ICA1L: variants seen among roughly 807,000 people sequenced by gnomAD.
ICA1L encodes the protein islet cell autoantigen 1 like.
ICA1L carries 50 observed loss-of-function variants against 61.3 expected under a neutral mutation model. That is an observed-to-expected ratio of 0.82 (90% CI 0.65 to 1.03). The LOEUF is 1.03. ICA1L is among the 50% of genes least tolerant of loss of function. ICA1L has a pLI of 0.00. For synonymous variants in ICA1L, 161 were observed against 191.3 expected (o/e 0.84, Z 1.31); for missense variants, 508 against 556.7 (o/e 0.91, Z 0.88).
At chr2:202,871,537 C>T (rs1422316755) in intron 1 of ICA1L, 82 bp downstream of exon 1, 1 of 152,188 alleles carries the variant, frequency 6.6e-6, no homozygotes, top group African/African-American at 2.4e-5. Context: ...CCGGCGTCGC[C>T]ATGGGAACCC....
intron 1 of ICA1L, chr2:202,840,493 G>A (rs922040527): frequency 3.4e-5 from 18 of 522,972 alleles, no homozygotes; most frequent in African/African-American, 3.3e-4. Context: ...TGGGGCTTGT[G>A]AGACCCTCAT....
At chr2:202,861,883 C>CAAAAAA (rs71030996) in intron 1 of ICA1L, among the ~76,000 whole-genome samples, 5 of 40,900 alleles carry the variant, frequency 1.2e-4, no homozygotes, top group Admixed American at 6.9e-4. Flanking sequence ...GATTCAGACT[C>CAAAAAA]AAAAAAAAAA....
Position 202,786,490 on chromosome 2 carries a change from A to C in ICA1L, c.1244-483T>G, listed in dbSNP as rs577166634. 2.3e-3 allele frequency among the ~76,000 whole-genome samples: 343 copies of C among 152,222 alleles called. 6 individuals carry two copies. The highest frequency in any genetic ancestry group is 0.021 in the Admixed American group (317 of 15,288). On this transcript the variant is annotated intron_variant, in intron 11 of 12. Coordinates refer to ENST00000358299, the MANE Select transcript of ICA1L (RefSeq NM_001288622.3). Reference sequence around the variant, plus strand: ...CGTGAACCCGGGAAGCGGAGCTTGCAGTGAGCCGAGATTGCGCCACTGCAG... The same window carrying C: ...CGTGAACCCGGGAAGCGGAGCTTGCCGTGAGCCGAGATTGCGCCACTGCAG...
At chr2:202,791,906 G>A (rs1304232052) in intron 10 of ICA1L, among the ~76,000 whole-genome samples, 4 of 150,660 alleles carry the variant, frequency 2.7e-5, no homozygotes, top group Admixed American at 2.6e-4. Flanking sequence ...GGTGGCTCAT[G>A]TCTGTAATCC....
intron 12 of ICA1L, among the ~76,000 whole-genome samples, chr2:202,780,839 C>A (rs1692379578): frequency 6.6e-6 from 1 of 152,174 alleles, no homozygotes; most frequent in Non-Finnish European, 1.5e-5. Flanking sequence ...GTAACACCTA[C>A]TAATGAGTAA....
chr2:202,785,851 T>C (rs374266075), intron 12 of ICA1L, 67 bp downstream of exon 12: 3 of 899,966 alleles, frequency 3.3e-6, no homozygotes, highest in African/African-American at 1.7e-5. Flanking sequence ...GTGATCCTTT[T>C]CTAAATTTAT....
intron 6 of ICA1L, among the ~76,000 whole-genome samples, chr2:202,816,946 T>G (rs1693555759): frequency 1.3e-5 from 2 of 152,192 alleles, no homozygotes; most frequent in Non-Finnish European, 2.9e-5. Context: ...AACATATAAC[T>G]TAGAAATAGA....
chr2:202,835,018 T>G lies in ICA1L; in HGVS notation c.-7-6002A>C, dbSNP rs1694108013. ...GGCTAATTTATTTTTATTTTTGTAGTGACAATGTCCCACTATGTTGCCCAG... is the reference window on the plus strand; with the variant it reads ...GGCTAATTTATTTTTATTTTTGTAGGGACAATGTCCCACTATGTTGCCCAG... On this transcript the variant is annotated intron_variant, in intron 1 of 12. Transcript: ENST00000358299. 2.0e-5 allele frequency among the ~76,000 whole-genome samples: 3 copies of G among 152,042 alleles called. 1 individual carries two copies. Among genetic ancestry groups the G allele is most frequent in the African/African-American group, 7.2e-5 (3 of 41,496 alleles).
chr2:202,783,059 C>CCA, intron 12 of ICA1L, among the ~76,000 whole-genome samples: 1 of 152,186 alleles, frequency 6.6e-6, no homozygotes, highest in Non-Finnish European at 1.5e-5. Context: ...TTCCAGGAGT[C>CCA]CACACTGATA....
chr2:202,800,331 G>A (rs1431681038), intron 9 of ICA1L, among the ~76,000 whole-genome samples: 5 of 152,112 alleles, frequency 3.3e-5, no homozygotes, highest in African/African-American at 7.2e-5. Context: ...GATCAAAACA[G>A]CGCTGTCTTG....
At chr2:202,786,825 T>A in intron 11 of ICA1L, 1 of 433,260 alleles carries the variant, frequency 2.3e-6, no homozygotes. Flanking sequence ...AGGTAGATTA[T>A]GTTGTATAAA....
chr2:202,853,015 C>T (rs1694672584), intron 1 of ICA1L, among the ~76,000 whole-genome samples: 1 of 151,854 alleles, frequency 6.6e-6, no homozygotes, highest in African/African-American at 2.4e-5. Flanking sequence ...AAAGCTGAAA[C>T]CAGAACCCTT....
intron 7 of ICA1L, among the ~76,000 whole-genome samples, chr2:202,815,197 A>G (rs984714010): frequency 6.6e-6 from 1 of 152,234 alleles, no homozygotes; most frequent in South Asian, 2.1e-4. Context: ...TTATATTAAA[A>G]GTAAAAACAA....
intron 12 of ICA1L, among the ~76,000 whole-genome samples, chr2:202,782,344 C>CA (rs900758349): frequency 3.2e-4 from 48 of 150,986 alleles, no homozygotes; most frequent in African/African-American, 9.7e-4. Context: ...AACTCTGTCT[C>CA]AAAAAAACAA....
intron 9 of ICA1L, among the ~76,000 whole-genome samples, chr2:202,807,290 A>G (rs1221002583): frequency 6.6e-6 from 1 of 152,180 alleles, no homozygotes; most frequent in Non-Finnish European, 1.5e-5. Flanking sequence ...TGGTGTGGAG[A>G]GAGAATCTGT....
At chr2:202,801,771 C>G (rs1693091550) in intron 9 of ICA1L, among the ~76,000 whole-genome samples, 1 of 152,142 alleles carries the variant, frequency 6.6e-6, no homozygotes, top group Non-Finnish European at 1.5e-5. Context: ...AGACAAGGCC[C>G]TTGGCAAACG....
chr2:202,790,412 A>G (rs1574327964), intron 10 of ICA1L, among the ~76,000 whole-genome samples: 1 of 152,322 alleles, frequency 6.6e-6, no homozygotes, highest in East Asian at 1.9e-4. Context: ...ATAATTTAGG[A>G]AAAACAGCAA....
intron 8 of ICA1L, among the ~76,000 whole-genome samples, chr2:202,812,904 T>C (rs1486494395): frequency 6.6e-6 from 1 of 152,176 alleles, no homozygotes; most frequent in Non-Finnish European, 1.5e-5. Context: ...AAAACTCTTA[T>C]GAAATGTGAG....
At chr2:202,865,683 A>G (rs892463425) in intron 1 of ICA1L, among the ~76,000 whole-genome samples, 4 of 152,238 alleles carry the variant, frequency 2.6e-5, no homozygotes, top group African/African-American at 9.6e-5. Context: ...TTAAAAATCT[A>G]CTAGATCTAA....
Sources: allele counts gnomAD v4.1 joint callset (sites outside exome capture counted in the v4.1 genomes callset), GRCh38; gene constraint gnomAD v4.1.1; transcripts MANE v1.5; gene names NCBI Gene and HGNC (gene_info 2026-07-23, HGNC 2026-07-21).